The following MSR1 variants were observed in gnomAD, a reference collection of about 807,000 sequenced individuals.
MSR1 encodes macrophage scavenger receptor types I and II.
Under a neutral mutation model 47.2 loss-of-function variants are expected in MSR1, and 53 were observed. The ratio of observed to expected loss-of-function variants is 1.12; its 90% CI spans 0.90 to 1.41. MSR1 has a LOEUF of 1.41. MSR1 is among the 40% of genes most tolerant of loss of function. MSR1 has a pLI of 0.00. For synonymous variants in MSR1, 239 were observed against 185.6 expected, an observed-to-expected ratio of 1.29 and a Z score of -2.34; for missense variants, 786 against 546.9, an observed-to-expected ratio of 1.44 and a Z score of -4.36.
At chr8:16,182,655 C>A (rs1470559661) in intron 1 of MSR1, among the ~76,000 whole-genome samples, 1 of 151,872 alleles carries the variant, frequency 6.6e-6, no homozygotes, top group East Asian at 1.9e-4. Flanking sequence ...GGGTCAGGCT[C>A]ATCAATGCCA....
chr8:16,130,668 G>A (rs187183058), intron 8 of MSR1, among the ~76,000 whole-genome samples: 12 of 151,850 alleles, frequency 7.9e-5, no homozygotes, highest in Non-Finnish European at 1.2e-4. Context: ...ACTGTCTGTT[G>A]TTCCCTTCTT....
At chr8:16,165,270 T>C (rs1042415564) in intron 4 of MSR1, among the ~76,000 whole-genome samples, 1 of 152,116 alleles carries the variant, frequency 6.6e-6, no homozygotes, top group Non-Finnish European at 1.5e-5. Flanking sequence ...CGTCCACTTT[T>C]TGCAGCTGAA....
chr8:16,189,093 A>C (rs909623628), intron 1 of MSR1, among the ~76,000 whole-genome samples: 1 of 145,584 alleles, frequency 6.9e-6, no homozygotes, highest in Non-Finnish European at 1.5e-5. Context: ...TATACGCAAA[A>C]CCTTATTTTA....
chr8:16,136,004 T>C (rs1800380434), intron 8 of MSR1, among the ~76,000 whole-genome samples: 1 of 152,132 alleles, frequency 6.6e-6, no homozygotes, highest in Non-Finnish European at 1.5e-5. Context: ...GAAAGGGTTT[T>C]TTTGAGATAC....
intron 1 of MSR1, among the ~76,000 whole-genome samples, chr8:16,179,146 T>G (rs544972642): frequency 6.6e-6 from 1 of 152,302 alleles, no homozygotes; most frequent in Non-Finnish European, 1.5e-5. Flanking sequence ...CTGAAAAGTT[T>G]TTTACAGGTG....
At chr8:16,145,565 G>T (rs988825427) in intron 7 of MSR1, among the ~76,000 whole-genome samples, 1 of 152,074 alleles carries the variant, frequency 6.6e-6, no homozygotes, top group South Asian at 2.1e-4. Context: ...TTAAGCCAGA[G>T]ACATGCTTGA....
At chr8:16,110,325 TTA>T in intron 9 of MSR1, 107 bp from the exon 10 acceptor site, 2 of 1,281,352 alleles carry the variant, frequency 1.6e-6, no homozygotes, top group Non-Finnish European at 2.2e-6. Flanking sequence ...AAAGTGTTGA[TTA>T]TTTTCTGTAT....
intron 1 of MSR1, among the ~76,000 whole-genome samples, chr8:16,188,966 A>G (rs1802082021): frequency 7.7e-5 from 3 of 39,174 alleles, no homozygotes; most frequent in Admixed American, 4.3e-4. Context: ...CAACACACAT[A>G]CATATATATA....
intron 1 of MSR1, among the ~76,000 whole-genome samples, chr8:16,179,061 A>G (rs1431588007): frequency 6.6e-6 from 1 of 152,150 alleles, no homozygotes; most frequent in African/African-American, 2.4e-5. Flanking sequence ...GTATCTTTCT[A>G]TTTACAAACA....
intron 2 of MSR1, 106 bp downstream of exon 2, chr8:16,177,780 T>G (rs1175857629): frequency 1.1e-6 from 1 of 872,980 alleles, no homozygotes; most frequent in East Asian, 2.6e-5. Flanking sequence ...ATAAGTATTA[T>G]TTTAACATCC....
intron 9 of MSR1, among the ~76,000 whole-genome samples, chr8:16,115,621 T>C (rs953470071): frequency 6.6e-6 from 1 of 152,168 alleles, no homozygotes; most frequent in African/African-American, 2.4e-5. Flanking sequence ...CTTTATTATT[T>C]TAAAATTCTC....
At chr8:16,171,223 A>T (rs351569) in intron 3 of MSR1, among the ~76,000 whole-genome samples, 133,548 of 135,646 alleles carry the variant, frequency 0.98, 65,789 homozygotes, top group East Asian at 1. Flanking sequence ...AGCAAGACTC[A>T]GTCTCAAAAA....
At chr8:16,180,811 C>T (rs768642415) in intron 1 of MSR1, among the ~76,000 whole-genome samples, 3 of 152,066 alleles carry the variant, frequency 2.0e-5, no homozygotes, top group African/African-American at 4.8e-5. Flanking sequence ...CAGTGACAGT[C>T]GTTGCATATT....
chr8:16,128,529 G>A (rs1585142562), intron 8 of MSR1, among the ~76,000 whole-genome samples: 1 of 152,108 alleles, frequency 6.6e-6, no homozygotes, highest in East Asian at 1.9e-4. Flanking sequence ...GGCTTTTAAT[G>A]TCAAGAACTC....
chr8:16,184,027 G>C (rs1357587422), intron 1 of MSR1, among the ~76,000 whole-genome samples: 2 of 150,670 alleles, frequency 1.3e-5, no homozygotes, highest in Admixed American at 6.7e-5. Flanking sequence ...GCAGAATCTG[G>C]GGTAAGGTCA....
intron 8 of MSR1, among the ~76,000 whole-genome samples, chr8:16,124,707 CTTGT>C (rs367929747): frequency 4.6e-5 from 7 of 152,230 alleles, no homozygotes; most frequent in African/African-American, 1.7e-4. Context: ...CTGCAGTAAA[CTTGT>C]TTGTTTTCCC....
At chr8:16,117,133 G>A (rs1220219760) in intron 9 of MSR1, among the ~76,000 whole-genome samples, 4 of 152,148 alleles carry the variant, frequency 2.6e-5, no homozygotes, top group Admixed American at 1.3e-4. Flanking sequence ...TGAGCAGCAG[G>A]TGAGTGAGCA....
chr8:16,166,947 AC>A (rs1801330069), intron 4 of MSR1, among the ~76,000 whole-genome samples: 3 of 151,788 alleles, frequency 2.0e-5, no homozygotes, highest in African/African-American at 7.3e-5. Context: ...ACACACACAC[AC>A]ACACACACAC....
At position 16,143,630 on chromosome 8, in the gene MSR1, A is replaced by T. The variant is rs774438787; in HGVS notation, c.980-19T>A. 6.2e-7 allele frequency: 1 copy of T among 1,607,650 alleles called. No individual in the cohort carries two copies. Among genetic ancestry groups the T allele is most frequent in the South Asian group, 1.1e-5 (1 of 90,896 alleles). Reference sequence around the variant, plus strand: ...GAATTTCCTTGAGAAAAGAAGAAAAATATTTGTTTTTAATCAGGGCAATTC... The same window carrying T: ...GAATTTCCTTGAGAAAAGAAGAAAATTATTTGTTTTTAATCAGGGCAATTC... On this transcript the variant is annotated intron_variant, in intron 7 of 9. Transcript: ENST00000262101.
Sources: allele counts gnomAD v4.1 joint callset (sites outside exome capture counted in the v4.1 genomes callset), GRCh38; gene constraint gnomAD v4.1.1; transcripts MANE v1.5; gene names NCBI Gene and HGNC (gene_info 2026-07-23, HGNC 2026-07-21).